The following SPATA17 variants were observed in gnomAD, a reference collection of about 807,000 sequenced individuals.
SPATA17 encodes spermatogenesis associated 17.
SPATA17 carries 53 observed loss-of-function variants against 62.2 expected under a neutral mutation model. That is an observed-to-expected ratio of 0.85 (90% CI 0.68 to 1.07). SPATA17 has a LOEUF of 1.07. SPATA17 is among the 50% of genes least tolerant of loss of function. SPATA17 has a pLI of 0.00. For missense variants in SPATA17, 466 were observed against 425.5 expected, an observed-to-expected ratio of 1.10 and a Z score of -0.84; for synonymous variants, 146 against 146.8, an observed-to-expected ratio of 0.99 and a Z score of 0.04.
intron 9 of SPATA17, among the ~76,000 whole-genome samples, chr1:217,830,409 TC>T (rs1310936181): frequency 6.6e-6 from 1 of 152,114 alleles, no homozygotes; most frequent in African/African-American, 2.4e-5. Flanking sequence ...GCACTCAGCA[TC>T]CTGAGCCCTG....
chr1:217,799,159 T>C (rs1452655873), intron 8 of SPATA17, among the ~76,000 whole-genome samples: 1 of 152,132 alleles, frequency 6.6e-6, no homozygotes, highest in East Asian at 1.9e-4. Flanking sequence ...TATCTAAATA[T>C]TTTTGAGTAT....
intron 4 of SPATA17, among the ~76,000 whole-genome samples, chr1:217,675,095 C>T (rs1168869773): frequency 6.6e-6 from 1 of 152,016 alleles, no homozygotes; most frequent in East Asian, 1.9e-4. Context: ...TTCACTGGAC[C>T]CCTTCTATCT....
intron 5 of SPATA17, among the ~76,000 whole-genome samples, chr1:217,741,652 A>G (rs1043576672): frequency 1.3e-5 from 2 of 152,212 alleles, no homozygotes; most frequent in African/African-American, 4.8e-5. Context: ...ATATTTAAGT[A>G]TGTCCAAAAA....
intron 6 of SPATA17, among the ~76,000 whole-genome samples, chr1:217,773,301 T>C (rs898087797): frequency 2.6e-5 from 4 of 152,176 alleles, no homozygotes; most frequent in African/African-American, 9.7e-5. Context: ...TAAGAATGGA[T>C]ACATTTAATA....
intron 9 of SPATA17, among the ~76,000 whole-genome samples, chr1:217,820,388 T>C (rs1434919930): frequency 1.3e-5 from 2 of 152,086 alleles, no homozygotes; most frequent in Admixed American, 6.6e-5. Context: ...TTATATTTAA[T>C]GTAGTTTGTT....
At chr1:217,648,712 G>T (rs556752404) in intron 1 of SPATA17, among the ~76,000 whole-genome samples, 170 bp from the exon 2 acceptor site, 57 of 152,226 alleles carry the variant, frequency 3.7e-4, no homozygotes, top group African/African-American at 1.4e-3. Context: ...TCAAAACATA[G>T]CTCATGATTT....
At chr1:217,739,871 A>T (rs528814941) in intron 5 of SPATA17, among the ~76,000 whole-genome samples, 3 of 152,230 alleles carry the variant, frequency 2.0e-5, no homozygotes, top group South Asian at 2.1e-4. Flanking sequence ...TTTTTTCAAT[A>T]ATTGGATGAA....
At chr1:217,801,951 T>TA in intron 9 of SPATA17, 101 bp downstream of exon 9, 1 of 1,206,284 alleles carries the variant, frequency 8.3e-7, no homozygotes, top group Non-Finnish European at 1.1e-6. Flanking sequence ...TTAAGACCTT[T>TA]ATGGTAACAA....
At chr1:217,678,184 C>G (rs1159668509) in intron 4 of SPATA17, among the ~76,000 whole-genome samples, 6 of 150,098 alleles carry the variant, frequency 4.0e-5, no homozygotes, top group Admixed American at 3.3e-4. Flanking sequence ...GTTTTCCATG[C>G]CTTCATTTTT....
chr1:217,667,056 T>C (rs1250315428), intron 3 of SPATA17, among the ~76,000 whole-genome samples: 9 of 146,762 alleles, frequency 6.1e-5, no homozygotes, highest in African/African-American at 2.3e-4. Context: ...TTCTTTTTTT[T>C]TTTTTTTTTG....
chr1:217,767,816 A>C (rs190139355), intron 6 of SPATA17, among the ~76,000 whole-genome samples: 1 of 152,294 alleles, frequency 6.6e-6, no homozygotes, highest in Non-Finnish European at 1.5e-5. Context: ...TGATAATTAC[A>C]ACATTCCTGC....
intron 8 of SPATA17, among the ~76,000 whole-genome samples, chr1:217,799,343 A>G: frequency 6.6e-6 from 1 of 152,140 alleles, no homozygotes; most frequent in East Asian, 1.9e-4. Flanking sequence ...TCAGACACAA[A>G]AGAAAAATGT....
chr1:217,805,636 T>C (rs1674414537), intron 9 of SPATA17, among the ~76,000 whole-genome samples: 1 of 152,194 alleles, frequency 6.6e-6, no homozygotes, highest in Admixed American at 6.5e-5. Context: ...GAAGATCATG[T>C]TGTACACTGT....
chr1:217,857,573 G>A (rs1334338767), intron 9 of SPATA17, among the ~76,000 whole-genome samples: 1 of 152,170 alleles, frequency 6.6e-6, no homozygotes, highest in Non-Finnish European at 1.5e-5. Context: ...TTTAAAAAGT[G>A]ACACTGTGCA....
In SPATA17 at chr1:217,801,905, C is replaced by A. The variant is rs1289800103; in HGVS notation, c.1005+55C>A. On this transcript the variant is annotated intron_variant, in intron 9 of 10. Transcript: ENST00000366933. ...TTCCTTTTTAAAAGCTAGAAATATA[C>A]ATTAATTAGAGCAAATATAAATATT... 7.5e-6 allele frequency: 11 copies of A among 1,463,768 alleles called. No homozygotes were observed. In the East Asian group the frequency reaches 2.4e-4, roughly 32 times the overall value. The allele number at this position is 1,463,768 out of a possible 1,614,324, so 90.7% of individuals were successfully genotyped here. A position where few individuals can be genotyped will look rare whatever the true frequency, so the allele number is the denominator to read the frequency against.
At chr1:217,641,918 T>C (rs921025872) in intron 1 of SPATA17, among the ~76,000 whole-genome samples, 5 of 152,224 alleles carry the variant, frequency 3.3e-5, no homozygotes, top group African/African-American at 1.2e-4. Context: ...TTGTCTTGTC[T>C]CTTTAGTTAT....
intron 9 of SPATA17, among the ~76,000 whole-genome samples, chr1:217,804,032 AAAG>A (rs1674375365): frequency 6.6e-6 from 1 of 152,126 alleles, no homozygotes. Flanking sequence ...GGAAAAAAAA[AAAG>A]AAGAAGAAAA....
chr1:217,652,814 C>T (rs768362155), intron 3 of SPATA17, among the ~76,000 whole-genome samples: 9 of 152,150 alleles, frequency 5.9e-5, no homozygotes, highest in African/African-American at 1.9e-4. Context: ...GACCTGATGA[C>T]GGAAGTTTGA....
chr1:217,690,466 A>ATTTTTTTTTTTTTTTTTTTTT (rs1671323414), intron 5 of SPATA17, among the ~76,000 whole-genome samples: 1 of 31,648 alleles, frequency 3.2e-5, no homozygotes, highest in Admixed American at 2.0e-4. Flanking sequence ...ATTTTATTTT[A>ATTTTTTTTTTTTTTTTTTTTT]TTTTTTATTT....
Sources: gnomAD v4.1 joint callset for allele counts (sites outside exome capture counted in the v4.1 genomes callset) on GRCh38, gnomAD v4.1.1 for gene constraint, MANE v1.5 for transcripts, NCBI Gene and HGNC (gene_info 2026-07-23, HGNC 2026-07-21) for gene names.